The following DCAF7 variants were observed in gnomAD, a reference collection of about 807,000 sequenced individuals.
DCAF7 encodes DDB1- and CUL4-associated factor 7.
In DCAF7, 4 loss-of-function variants were observed where a neutral mutation model predicts 41.2. The ratio of observed to expected loss-of-function variants is 0.10; its 90% confidence interval spans 0.05 to 0.22. DCAF7 has a LOEUF of 0.22. DCAF7 is among the 10% of genes least tolerant of loss of function. DCAF7 has a pLI of 1.00. For missense variants in DCAF7, 131 were observed against 443.2 expected, an observed-to-expected ratio of 0.30 and a Z score of 6.32; for synonymous variants, 143 against 164.2, an observed-to-expected ratio of 0.87 and a Z score of 0.99.
chr17:63,576,644 G>T (rs1179911596), intron 1 of DCAF7, among the ~76,000 whole-genome samples: 2 of 151,076 alleles, frequency 1.3e-5, no homozygotes, highest in African/African-American at 4.9e-5. Flanking sequence ...TTTGGGTGCG[G>T]TGCTTACGCC....
intron 1 of DCAF7, among the ~76,000 whole-genome samples, chr17:63,563,682 G>GCCA (rs2033407798): frequency 6.6e-6 from 1 of 152,116 alleles, no homozygotes; most frequent in Non-Finnish European, 1.5e-5. Flanking sequence ...TAGCATGGTG[G>GCCA]TGGGCACCTC....
chr17:63,554,989 T>G (rs2033295796), intron 1 of DCAF7, among the ~76,000 whole-genome samples: 1 of 152,232 alleles, frequency 6.6e-6, no homozygotes, highest in African/African-American at 2.4e-5. Context: ...ATTCTTATAG[T>G]CAGACTCCAA....
intron 5 of DCAF7, among the ~76,000 whole-genome samples, chr17:63,584,364 A>T (rs1009818209): frequency 3.5e-4 from 53 of 152,012 alleles, no homozygotes; most frequent in Admixed American, 3.5e-3. Flanking sequence ...GCTATTCGGG[A>T]GGCTGAGGCA....
chr17:63,573,018 C>A (rs532567545), intron 1 of DCAF7, among the ~76,000 whole-genome samples: 1 of 152,280 alleles, frequency 6.6e-6, no homozygotes, highest in African/African-American at 2.4e-5. Context: ...CCTCCTTGGC[C>A]TCCCAAAGTG....
chr17:63,564,664 C>A (rs1254662090), intron 1 of DCAF7, among the ~76,000 whole-genome samples: 2 of 152,186 alleles, frequency 1.3e-5, no homozygotes, highest in Non-Finnish European at 2.9e-5. Context: ...TCTGAGGAGG[C>A]CAATTTGCCT....
intron 1 of DCAF7, among the ~76,000 whole-genome samples, chr17:63,551,722 C>T (rs2033256243): frequency 6.6e-6 from 1 of 151,724 alleles, no homozygotes; most frequent in Non-Finnish European, 1.5e-5. Context: ...AGCCACTACT[C>T]CTGCTTTATG....
At chr17:63,580,039 G>A in intron 4 of DCAF7, 96 bp downstream of exon 4, 1 of 877,336 alleles carries the variant, frequency 1.1e-6, no homozygotes, top group Non-Finnish European at 1.8e-6. Context: ...TGCAATTTAT[G>A]TAGAAAATCA....
intron 1 of DCAF7, among the ~76,000 whole-genome samples, chr17:63,560,801 A>G (rs1384063437): frequency 6.6e-6 from 1 of 152,256 alleles, no homozygotes; most frequent in Non-Finnish European, 1.5e-5. Context: ...ATAAACAGAA[A>G]GGAATGAATG....
chr17:63,580,906 T>G (rs1335934037), intron 4 of DCAF7, among the ~76,000 whole-genome samples: 1 of 152,210 alleles, frequency 6.6e-6, no homozygotes, highest in East Asian at 1.9e-4. Flanking sequence ...TGCATGCTCC[T>G]GGTACTCTCA....
chr17:63,589,193 C>A lies in DCAF7; in HGVS notation c.*21C>A, dbSNP rs139063781. Reference sequence around the variant, plus strand: ...TGTAGTGTTGGTGGCGCTGTGCCCACGAGGCAGGGGCTTTTGTATTTCCTG... The same window carrying A: ...TGTAGTGTTGGTGGCGCTGTGCCCAAGAGGCAGGGGCTTTTGTATTTCCTG... On this transcript the variant is annotated 3_prime_UTR_variant, in exon 7 of 7. Coordinates refer to ENST00000614556, the MANE Select transcript of DCAF7 (RefSeq NM_005828.5). 6.2e-7 allele frequency: 1 copy of A among 1,611,436 alleles called. No individual in the cohort carries two copies. The highest frequency in any genetic ancestry group is 1.3e-5 in the African/African-American group (1 of 74,550).
chr17:63,573,619 A>C (rs1221625378), intron 1 of DCAF7, among the ~76,000 whole-genome samples: 1 of 152,028 alleles, frequency 6.6e-6, no homozygotes, highest in Non-Finnish European at 1.5e-5. Context: ...AATCCCAGCT[A>C]CTTGGGAGGC....
intron 1 of DCAF7, among the ~76,000 whole-genome samples, chr17:63,558,091 T>C (rs564528521): frequency 1.3e-5 from 2 of 152,146 alleles, no homozygotes; most frequent in South Asian, 4.1e-4. Flanking sequence ...GGCAGGGTTT[T>C]GCCATGTTGC....
At chr17:63,582,459 C>T (rs2033633039) in intron 4 of DCAF7, among the ~76,000 whole-genome samples, 3 of 151,472 alleles carry the variant, frequency 2.0e-5, no homozygotes. Flanking sequence ...TCTCTTCGTC[C>T]CTCTTCGTCC....
intron 1 of DCAF7, among the ~76,000 whole-genome samples, chr17:63,576,672 G>T (rs2033565827): frequency 1.3e-5 from 2 of 152,138 alleles, no homozygotes; most frequent in African/African-American, 4.8e-5. Context: ...CCAGCACTTT[G>T]GGAGGCCAAG....
Position 63,592,093 on chromosome 17 carries a change from A to T in DCAF7, c.*2921A>T, listed in dbSNP as rs1248158209. 6.6e-6 allele frequency: 1 copy of T among 151,880 alleles called. No homozygotes were observed. The highest frequency in any genetic ancestry group is 1.5e-5 in the Non-Finnish European group (1 of 68,052). 9.4% of individuals were successfully genotyped at this position (151,880 alleles called of 1,614,324 possible). ...ATTAGCCTGCAAGGTTAGGACTTGA[A>T]GAGGGAAGGTATTTAATAACTGGGC... is the stretch of plus-strand genomic sequence containing the variant. On this transcript the variant is annotated 3_prime_UTR_variant, in exon 7 of 7. Coordinates refer to ENST00000614556, the MANE Select transcript of DCAF7 (RefSeq NM_005828.5).
chr17:63,557,967 C>G (rs190140710), intron 1 of DCAF7, among the ~76,000 whole-genome samples: 254 of 152,162 alleles, frequency 1.7e-3, no homozygotes, highest in Non-Finnish European at 3.1e-3. Flanking sequence ...ATGATCCCAG[C>G]TCACTGCACT....
Position 63,589,219 on chromosome 17 carries a change from C to T in DCAF7, c.*47C>T, listed in dbSNP as rs776749449. 8 of 1,606,722 alleles carry T rather than the reference C, an allele frequency of 5.0e-6. No individual in the cohort carries two copies. In the East Asian group the frequency reaches 6.7e-5, roughly 13 times the overall value. On this transcript the variant is annotated 3_prime_UTR_variant, in exon 7 of 7. Transcript: ENST00000614556. ...GAGGCAGGGGCTTTTGTATTTCCTG[C>T]CTCTGCCCCACCCCCAAAGTAAGAA...
At chr17:63,553,553 A>C (rs1425844306) in intron 1 of DCAF7, among the ~76,000 whole-genome samples, 1 of 152,116 alleles carries the variant, frequency 6.6e-6, no homozygotes, top group Non-Finnish European at 1.5e-5. Flanking sequence ...AATTTGGAGG[A>C]ACTTTAGAAT....
chr17:63,559,539 C>T (rs1430503899), intron 1 of DCAF7, among the ~76,000 whole-genome samples: 1 of 150,686 alleles, frequency 6.6e-6, no homozygotes, highest in Non-Finnish European at 1.5e-5. Context: ...CAGTGGCTCA[C>T]ACCTGTAATC....
Sources: allele counts gnomAD v4.1 joint callset (sites outside exome capture counted in the v4.1 genomes callset), GRCh38; gene constraint gnomAD v4.1.1; transcripts MANE v1.5; gene names NCBI Gene and HGNC (gene_info 2026-07-23, HGNC 2026-07-21).